The following PATJ variants were observed in gnomAD, a reference collection of about 807,000 sequenced individuals.
PATJ encodes inaD-like protein.
A neutral mutation model predicts 224.9 loss-of-function variants in PATJ; 190 were observed. That is an observed-to-expected ratio of 0.84 (90% CI 0.75 to 0.95). The LOEUF (loss-of-function observed/expected upper bound fraction) is 0.95, where lower values mean the gene tolerates loss of function less well. Ranked by LOEUF, PATJ falls within the 40% of genes least tolerant of loss-of-function variation. The pLI, the probability that PATJ is intolerant of heterozygous loss-of-function variation, is 0.00. For missense variants in PATJ, 2,121 were observed against 2,270.3 expected, an observed-to-expected ratio of 0.93 and a Z score of 1.34; for synonymous variants, 769 against 820.3, an observed-to-expected ratio of 0.94 and a Z score of 1.07.
chr1:62,110,554 T>C (rs1008611717), intron 34 of PATJ, among the ~76,000 whole-genome samples: 39 of 152,192 alleles, frequency 2.6e-4, no homozygotes, highest in African/African-American at 8.7e-4. Context: ...AATAATGTTT[T>C]GGCATGGCAA....
chr1:62,028,739 T>C (rs1648547166), intron 29 of PATJ, among the ~76,000 whole-genome samples: 2 of 152,048 alleles, frequency 1.3e-5, no homozygotes, highest in South Asian at 4.1e-4. Context: ...GCCATGATCA[T>C]GTCACCCACA....
intron 29 of PATJ, among the ~76,000 whole-genome samples, chr1:62,035,262 C>T (rs1035289696): frequency 6.6e-6 from 1 of 152,176 alleles, no homozygotes; most frequent in African/African-American, 2.4e-5. Flanking sequence ...AACAGATGCG[C>T]TTGATACGCT....
intron 28 of PATJ, among the ~76,000 whole-genome samples, chr1:62,015,135 A>T (rs1171156346): frequency 2.6e-5 from 4 of 151,670 alleles, no homozygotes; most frequent in Non-Finnish European, 5.9e-5. Context: ...CCCCATCTCT[A>T]CTAAAAATAC....
Position 62,128,925 on chromosome 1 carries a change from T to A in PATJ, c.5251T>A (p.Tyr1751Asn). Reference sequence around the variant, plus strand: ...TGTGGTTAATCTGCTGAAGAACGCCTACGGGCGCATTATCCTGCAGGTATT... The same window carrying A: ...TGTGGTTAATCTGCTGAAGAACGCCAACGGGCGCATTATCCTGCAGGTATT... ...ADVVNLLKNA[Y>N]GRIILQVVAD... The change falls in exon 41 of 44, where the codon TAC (tyrosine) becomes AAC (asparagine). Residue 1751 changes from tyrosine to asparagine, a missense_variant. Tyr to Asn is a moderately radical substitution (Grantham distance 143). Transcript: ENST00000642238. The A allele has an allele frequency of 6.2e-7, 1 of 1,610,590 alleles. No homozygotes were observed. Among genetic ancestry groups the A allele is most frequent in the Admixed American group, 1.7e-5 (1 of 59,986 alleles).
intron 21 of PATJ, among the ~76,000 whole-genome samples, chr1:61,877,819 A>G (rs1488510373): frequency 1.3e-5 from 2 of 152,122 alleles, no homozygotes; most frequent in Non-Finnish European, 2.9e-5. Context: ...TAGAGCATTT[A>G]TTTTTTAAAA....
At chr1:62,093,187 C>T (rs1402852203) in intron 33 of PATJ, among the ~76,000 whole-genome samples, 1 of 152,158 alleles carries the variant, frequency 6.6e-6, no homozygotes, top group Non-Finnish European at 1.5e-5. Flanking sequence ...GGTAGACATA[C>T]TCTCCCATTT....
chr1:61,773,043 A>C (rs971126060), intron 6 of PATJ, among the ~76,000 whole-genome samples: 9 of 151,946 alleles, frequency 5.9e-5, no homozygotes, highest in East Asian at 5.8e-4. Context: ...TTTTTTTGAG[A>C]TGGAGTCTTG....
At chr1:61,846,662 T>C (rs1662008403) in intron 17 of PATJ, among the ~76,000 whole-genome samples, 1 of 152,214 alleles carries the variant, frequency 6.6e-6, no homozygotes, top group South Asian at 2.1e-4. Flanking sequence ...AGTGGTGCTA[T>C]CTCGGCTCAC....
intron 17 of PATJ, among the ~76,000 whole-genome samples, chr1:61,837,009 C>T (rs1570797634): frequency 6.6e-6 from 1 of 152,330 alleles, no homozygotes; most frequent in East Asian, 1.9e-4. Flanking sequence ...TGGAATATCT[C>T]ATTTCAGTTT....
chr1:61,940,668 A>G (rs958460634), intron 27 of PATJ, among the ~76,000 whole-genome samples: 1 of 151,380 alleles, frequency 6.6e-6, no homozygotes, highest in African/African-American at 2.4e-5. Flanking sequence ...GTGACCTGAG[A>G]TCATGCCATT....
At chr1:61,801,445 C>T (rs1652473487) in intron 11 of PATJ, among the ~76,000 whole-genome samples, 178 bp from the exon 12 acceptor site, 1 of 152,132 alleles carries the variant, frequency 6.6e-6, no homozygotes, top group Non-Finnish European at 1.5e-5. Flanking sequence ...GTCTATTACA[C>T]ATGGCATTTT....
chr1:62,060,308 A>C (rs2498980), intron 31 of PATJ, among the ~76,000 whole-genome samples: 67,761 of 151,988 alleles, frequency 0.45, 15,767 homozygotes, highest in African/African-American at 0.58. Context: ...GTAAGGATTC[A>C]GAGCCTTATG....
intron 1 of PATJ, among the ~76,000 whole-genome samples, chr1:61,753,873 TAAATA>T (rs1402259301): frequency 2.5e-5 from 3 of 120,324 alleles, no homozygotes; most frequent in Non-Finnish European, 4.0e-5. Context: ...AAATATATAA[TAAATA>T]AAATAAATAT....
intron 28 of PATJ, chr1:62,013,583 C>T: frequency 1.2e-6 from 1 of 848,934 alleles, no homozygotes; most frequent in Non-Finnish European, 1.4e-6. Flanking sequence ...CTGACTTTAC[C>T]ATGTTGTGTT....
intron 26 of PATJ, among the ~76,000 whole-genome samples, chr1:61,918,908 T>G (rs1406977168): frequency 1.3e-5 from 2 of 152,060 alleles, no homozygotes; most frequent in East Asian, 3.9e-4. Flanking sequence ...CAGTGAGCCA[T>G]GGTCACACCA....
intron 41 of PATJ, among the ~76,000 whole-genome samples, chr1:62,135,825 T>G (rs1385703756): frequency 6.6e-6 from 1 of 152,132 alleles, no homozygotes; most frequent in Non-Finnish European, 1.5e-5. Flanking sequence ...AAGTGGTATC[T>G]TATTACTTTC....
chr1:62,024,545 G>A (rs1445567229), intron 29 of PATJ, among the ~76,000 whole-genome samples: 1 of 151,894 alleles, frequency 6.6e-6, no homozygotes, highest in Admixed American at 6.6e-5. Context: ...AATTGAGATG[G>A]TCATCAGGGA....
At chr1:62,040,093 T>C (rs1030873772) in intron 30 of PATJ, among the ~76,000 whole-genome samples, 46 of 151,856 alleles carry the variant, frequency 3.0e-4, no homozygotes, top group African/African-American at 1.0e-3. Context: ...ATACTGGCAT[T>C]TCTTTCTTCC....
chr1:62,144,777 A>AAATATATATATATATATATATATAT (rs377489788), intron 41 of PATJ, among the ~76,000 whole-genome samples: 5 of 119,094 alleles, frequency 4.2e-5, no homozygotes, highest in Non-Finnish European at 6.6e-5. Flanking sequence ...AAAAAAAAAA[A>AAATATATATATATATATATATATAT]ATATATATAT....
Sources: gnomAD v4.1 joint callset for allele counts (sites outside exome capture counted in the v4.1 genomes callset) on GRCh38, gnomAD v4.1.1 for gene constraint, MANE v1.5 for transcripts, NCBI Gene and HGNC (gene_info 2026-07-23, HGNC 2026-07-21) for gene names.